The following STXBP5 variants were observed in gnomAD, a reference collection of about 807,000 sequenced individuals.
The protein encoded by STXBP5 is syntaxin binding protein 5.
Under a neutral mutation model 152.4 loss-of-function variants are expected in STXBP5, and 50 were observed. The ratio of observed to expected loss-of-function variants is 0.33; its 90% confidence interval spans 0.26 to 0.42. The LOEUF (loss-of-function observed/expected upper bound fraction) is 0.42, where lower values mean the gene tolerates loss of function less well. STXBP5 is among the 10% of genes least tolerant of loss of function. STXBP5 has a pLI of 1.00. For missense variants in STXBP5, 1,167 were observed against 1,388.6 expected (o/e 0.84, Z 2.54); for synonymous variants, 492 against 494.7 (o/e 0.99, Z 0.07).
intron 7 of STXBP5, among the ~76,000 whole-genome samples, chr6:147,274,837 AAAG>A (rs777462762): frequency 6.6e-6 from 1 of 152,090 alleles, no homozygotes; most frequent in Non-Finnish European, 1.5e-5. Flanking sequence ...ATCTATGAGA[AAAG>A]AAATTATTTT....
intron 22 of STXBP5, among the ~76,000 whole-genome samples, chr6:147,355,885 A>G (rs1784794666): frequency 6.6e-6 from 1 of 152,146 alleles, no homozygotes; most frequent in Non-Finnish European, 1.5e-5. Flanking sequence ...ACTTGTATAA[A>G]TAAGCCCACA....
intron 2 of STXBP5, among the ~76,000 whole-genome samples, chr6:147,213,025 T>C (rs532385939): frequency 6.6e-6 from 1 of 152,186 alleles, no homozygotes; most frequent in Non-Finnish European, 1.5e-5. Context: ...AATCACATGA[T>C]CTTAATAATC....
chr6:147,264,680 A>G (rs774393168), intron 6 of STXBP5, among the ~76,000 whole-genome samples: 18 of 152,138 alleles, frequency 1.2e-4, no homozygotes, highest in Non-Finnish European at 2.4e-4. Context: ...ATGTAAGCTA[A>G]TTAACATCTC....
intron 26 of STXBP5, among the ~76,000 whole-genome samples, chr6:147,377,879 C>T (rs200264412): frequency 8.0e-5 from 12 of 150,478 alleles, no homozygotes; most frequent in Admixed American, 2.0e-4. Context: ...TCTTTTGAAA[C>T]GAAGCACGAA....
chr6:147,235,044 T>A (rs1179850829), intron 2 of STXBP5, among the ~76,000 whole-genome samples: 1 of 152,104 alleles, frequency 6.6e-6, no homozygotes, highest in African/African-American at 2.4e-5. Flanking sequence ...TCTAATTTGC[T>A]TGTTTTGTTT....
At chr6:147,329,873 C>T (rs1221402944) in intron 18 of STXBP5, among the ~76,000 whole-genome samples, 5 of 151,902 alleles carry the variant, frequency 3.3e-5, no homozygotes, top group African/African-American at 1.2e-4. Context: ...ATGATCCGCC[C>T]GCCTCGGCCT....
chr6:147,380,094 T>G (rs1786003842), intron 26 of STXBP5, among the ~76,000 whole-genome samples: 1 of 150,922 alleles, frequency 6.6e-6, no homozygotes, highest in Non-Finnish European at 1.5e-5. Flanking sequence ...CATATCAAAA[T>G]CACAACAATT....
intron 8 of STXBP5, among the ~76,000 whole-genome samples, chr6:147,286,923 A>AACACAT (rs991665783): frequency 6.6e-6 from 1 of 151,884 alleles, no homozygotes; most frequent in Non-Finnish European, 1.5e-5. Context: ...CATGTGTATT[A>AACACAT]ACACATACAC....
rs549050598 is a variant in STXBP5 at position 147,384,219 on chromosome 6, G to T, written c.3415-495G>T. On this transcript the variant is annotated intron_variant, in intron 27 of 27. Coordinates refer to ENST00000321680, the MANE Select transcript of STXBP5 (RefSeq NM_001127715.4). ...TCCAGTTTCACTACTGCATTACCTT[G>T]GGCAACCCCTAGAAGCTTCAGTTTC... Among the ~76,000 whole-genome samples, 6 of 152,102 alleles carry T rather than the reference G, an allele frequency of 3.9e-5. 1 individual carries two copies. The South Asian group carries it at 1.2e-3, about 32-fold the overall frequency.
Position 147,253,240 on chromosome 6 carries a change from C to T in STXBP5, c.432-7375C>T, listed in dbSNP as rs188502943. Among the ~76,000 whole-genome samples the T allele has an allele frequency of 2.0e-4, 30 of 152,244 alleles. No individual in the cohort carries two copies. The South Asian group carries it at 5.6e-3, about 28-fold the overall frequency. The stretch of plus-strand genomic sequence containing the variant: ...TTATCTCAATAGATGCAGAGAAGGC[C>T]TTCAACAAAATTCAACACCCCTTCA... On this transcript the variant is annotated intron_variant, in intron 4 of 27. Coordinates refer to ENST00000321680, the MANE Select transcript of STXBP5 (RefSeq NM_001127715.4).
At chr6:147,371,144 T>C in intron 25 of STXBP5, among the ~76,000 whole-genome samples, 1 of 152,062 alleles carries the variant, frequency 6.6e-6, no homozygotes, top group Non-Finnish European at 1.5e-5. Context: ...TGAATAGATG[T>C]AGCAAGATCA....
chr6:147,236,814 C>T (rs995273422), intron 3 of STXBP5, among the ~76,000 whole-genome samples: 1 of 150,304 alleles, frequency 6.7e-6, no homozygotes, highest in Non-Finnish European at 1.5e-5. Flanking sequence ...AGTCTTACTC[C>T]GTCACCCAGG....
intron 21 of STXBP5, 131 bp from the exon 22 acceptor site, chr6:147,353,192 A>G: frequency 1.8e-6 from 1 of 564,316 alleles, no homozygotes; most frequent in South Asian, 2.9e-5. Context: ...CACTCCTAAT[A>G]TTACTCATCT....
At chr6:147,212,806 A>G (rs915310695) in intron 2 of STXBP5, among the ~76,000 whole-genome samples, 2 of 152,156 alleles carry the variant, frequency 1.3e-5, no homozygotes, top group African/African-American at 2.4e-5. Flanking sequence ...AACTAACACA[A>G]ATGTCTTTCC....
intron 4 of STXBP5, among the ~76,000 whole-genome samples, chr6:147,242,148 T>C (rs1484786364): frequency 6.6e-6 from 1 of 150,588 alleles, no homozygotes; most frequent in African/African-American, 2.4e-5. Context: ...CCTAGGCTAA[T>C]GTGTGTGACT....
chr6:147,247,131 T>C (rs551204503), intron 4 of STXBP5, among the ~76,000 whole-genome samples: 19 of 152,328 alleles, frequency 1.2e-4, no homozygotes, highest in African/African-American at 4.3e-4. Context: ...CCAAAATATC[T>C]ATACAGGTCT....
chr6:147,311,626 C>G (rs1443576012), intron 11 of STXBP5, 99 bp downstream of exon 11: 1 of 858,292 alleles, frequency 1.2e-6, no homozygotes, highest in Non-Finnish European at 1.8e-6. Flanking sequence ...GAAAACTCTA[C>G]ATTTATATCC....
chr6:147,219,983 C>T lies in STXBP5; in HGVS notation c.248+13915C>T, dbSNP rs528467106. Among the ~76,000 whole-genome samples the T allele has an allele frequency of 1.1e-4, 17 of 151,626 alleles. No individual in the cohort carries two copies. In the East Asian group the frequency reaches 3.1e-3, roughly 28 times the overall value. On this transcript the variant is annotated intron_variant, in intron 2 of 27. Transcript: ENST00000321680. The stretch of plus-strand genomic sequence containing the variant: ...CTTAAAGCAGAAGTGATTGATTTTA[C>T]CTGTTTCTTCTTTAATATATATGAA...
rs566831110 is a variant in STXBP5 at position 147,287,013 on chromosome 6, T to A, written c.839-4081T>A. ...TGTTAGTGTTTTTGCATCTTTAAAA[T>A]TTTTTAAAATTTTTGTGAGTACATA... On this transcript the variant is annotated intron_variant, in intron 8 of 27. Coordinates refer to ENST00000321680, the MANE Select transcript of STXBP5 (RefSeq NM_001127715.4). Among the ~76,000 whole-genome samples the A allele has an allele frequency of 3.4e-4, 49 of 146,202 alleles. No homozygotes were observed. In the East Asian group the frequency reaches 9.3e-3, roughly 28 times the overall value.
Sources: allele counts gnomAD v4.1 joint callset (sites outside exome capture counted in the v4.1 genomes callset), GRCh38; gene constraint gnomAD v4.1.1; transcripts MANE v1.5; gene names NCBI Gene and HGNC (gene_info 2026-07-23, HGNC 2026-07-21).